FMN1: variants seen among roughly 807,000 people sequenced by gnomAD.
The protein encoded by FMN1 is formin 1.
A neutral mutation model predicts 132.4 loss-of-function variants in FMN1; 110 were observed. The observed-to-expected ratio is 0.83, with a 90% CI of 0.71 to 0.97. The LOEUF (loss-of-function observed/expected upper bound fraction) is 0.97. FMN1 is among the 50% of genes least tolerant of loss of function. The pLI is 0.00. For missense variants in FMN1, 1,792 were observed against 1,705.3 expected (o/e 1.05, Z -0.90); for synonymous variants, 722 against 651.7 (o/e 1.11, Z -1.64).
intron 7 of FMN1, among the ~76,000 whole-genome samples, chr15:32,976,746 T>C (rs537347051): frequency 1.3e-5 from 2 of 152,268 alleles, no homozygotes; most frequent in South Asian, 2.1e-4. Flanking sequence ...TAAAGAGTAA[T>C]TGATATGAAG....
At chr15:32,827,846 GAAA>G (rs1049599419) in intron 17 of FMN1, among the ~76,000 whole-genome samples, 1 of 121,250 alleles carries the variant, frequency 8.2e-6, no homozygotes. Context: ...TCCGTCTCAA[GAAA>G]AAAAAAAAAA....
intron 17 of FMN1, among the ~76,000 whole-genome samples, chr15:32,820,973 G>A (rs1302091641): frequency 6.6e-6 from 1 of 151,914 alleles, no homozygotes; most frequent in East Asian, 1.9e-4. Flanking sequence ...AGGTAATAAA[G>A]AGGTCTCGTA....
In FMN1 at chr15:33,067,736, G is replaced by A. The variant is rs1220815284; in HGVS notation, c.2044-2662C>T. 2 of 1,613,800 alleles carry A rather than the reference G, an allele frequency of 1.2e-6. No individual in the cohort carries two copies. The highest frequency in any genetic ancestry group is 2.2e-5 in the East Asian group (1 of 44,888). ...TTTCAGCACAGCATCTTCCTCTTCT[G>A]GATTCACAGATTCTAATTTACTCGT... On this transcript the variant is annotated intron_variant, in intron 5 of 20. Coordinates refer to ENST00000616417, the MANE Select transcript of FMN1 (RefSeq NM_001277313.2).
intron 19 of FMN1, among the ~76,000 whole-genome samples, chr15:32,780,829 C>T (rs1001464257): frequency 6.6e-6 from 1 of 152,136 alleles, no homozygotes; most frequent in East Asian, 1.9e-4. Flanking sequence ...ATGTAAGCTG[C>T]TATTGTTACT....
intron 3 of FMN1, among the ~76,000 whole-genome samples, chr15:33,172,083 C>A (rs911103300): frequency 2.0e-5 from 3 of 152,038 alleles, no homozygotes; most frequent in Non-Finnish European, 4.4e-5. Context: ...TGGCGGGCGC[C>A]TGTGGTCCCA....
intron 5 of FMN1, among the ~76,000 whole-genome samples, chr15:33,083,750 G>A (rs527411048): frequency 2.6e-5 from 4 of 152,274 alleles, no homozygotes; most frequent in East Asian, 1.9e-4. Flanking sequence ...TGCATTCCTA[G>A]TAGATTAGGC....
intron 15 of FMN1, among the ~76,000 whole-genome samples, chr15:32,893,380 G>A (rs12148182): frequency 0.025 from 3,823 of 151,826 alleles, 72 homozygotes; most frequent in Non-Finnish European, 0.041. Context: ...GTGTGTGTGT[G>A]TGCGCGCTCG....
At chr15:32,911,224 TA>T (rs1255831217) in intron 10 of FMN1, among the ~76,000 whole-genome samples, 1 of 152,216 alleles carries the variant, frequency 6.6e-6, no homozygotes, top group African/African-American at 2.4e-5. Flanking sequence ...TTCCCATAGA[TA>T]CTGGGATGCA....
At chr15:32,900,787 A>G (rs1418384588) in intron 13 of FMN1, among the ~76,000 whole-genome samples, 1 of 152,168 alleles carries the variant, frequency 6.6e-6, no homozygotes, top group Non-Finnish European at 1.5e-5. Context: ...TTTTACTTCA[A>G]GTACAATTTT....
intron 5 of FMN1, among the ~76,000 whole-genome samples, chr15:33,076,591 T>C (rs990275388): frequency 1.3e-5 from 2 of 152,186 alleles, no homozygotes; most frequent in South Asian, 2.1e-4. Flanking sequence ...CCATGCTCGG[T>C]TCTTTATGCA....
chr15:32,806,171 A>G (rs1038484765), intron 17 of FMN1, among the ~76,000 whole-genome samples: 2 of 152,228 alleles, frequency 1.3e-5, no homozygotes, highest in African/African-American at 2.4e-5. Context: ...TAGGGCTACA[A>G]TGATGTAAAA....
intron 2 of FMN1, among the ~76,000 whole-genome samples, chr15:33,193,388 C>T (rs1966145623): frequency 6.6e-6 from 1 of 152,130 alleles, no homozygotes; most frequent in Non-Finnish European, 1.5e-5. Flanking sequence ...GTGTAGAGAA[C>T]AGAATATAAT....
intron 19 of FMN1, among the ~76,000 whole-genome samples, chr15:32,780,158 C>A (rs1311482171): frequency 6.6e-6 from 1 of 152,142 alleles, no homozygotes; most frequent in Non-Finnish European, 1.5e-5. Context: ...AGCATGTGAA[C>A]CAGAGCAACT....
chr15:32,915,148 C>A (rs1280190146), intron 10 of FMN1, among the ~76,000 whole-genome samples: 1 of 152,068 alleles, frequency 6.6e-6, no homozygotes, highest in Non-Finnish European at 1.5e-5. Context: ...AGGGTATCAG[C>A]CAGAAGTCTG....
At chr15:32,832,931 T>A (rs998460729) in intron 17 of FMN1, among the ~76,000 whole-genome samples, 7 of 152,078 alleles carry the variant, frequency 4.6e-5, no homozygotes, top group African/African-American at 1.7e-4. Flanking sequence ...GGAAGTAGGG[T>A]AGACATCATC....
chr15:33,149,632 T>G (rs373317789), intron 4 of FMN1, among the ~76,000 whole-genome samples: 56 of 152,360 alleles, frequency 3.7e-4, no homozygotes, highest in African/African-American at 1.2e-3. Context: ...TTATGTCAAC[T>G]TAATTCCTGT....
intron 7 of FMN1, among the ~76,000 whole-genome samples, chr15:33,005,433 T>G (rs555106833): frequency 6.6e-6 from 1 of 152,202 alleles, no homozygotes; most frequent in Non-Finnish European, 1.5e-5. Flanking sequence ...TAATCACACC[T>G]TAGTCTAACC....
intron 7 of FMN1, among the ~76,000 whole-genome samples, chr15:33,002,670 G>T (rs1235067996): frequency 6.6e-6 from 1 of 152,156 alleles, no homozygotes; most frequent in Admixed American, 6.5e-5. Flanking sequence ...AGTCATACAA[G>T]AAAATAAGTC....
chr15:33,030,133 G>A (rs576746671), intron 6 of FMN1, among the ~76,000 whole-genome samples: 31 of 152,334 alleles, frequency 2.0e-4, no homozygotes, highest in African/African-American at 7.2e-4. Context: ...ACTCCAGCCT[G>A]GGCGACAGAG....
Sources: gnomAD v4.1 joint callset for allele counts (sites outside exome capture counted in the v4.1 genomes callset) on GRCh38, gnomAD v4.1.1 for gene constraint, MANE v1.5 for transcripts, NCBI Gene and HGNC (gene_info 2026-07-23, HGNC 2026-07-21) for gene names.